Variants in RBFOX1 observed in about 807,000 individuals in gnomAD.
RBFOX1 encodes RNA binding protein fox-1 homolog 1.
Under a neutral mutation model 57.7 loss-of-function variants are expected in RBFOX1, and 8 were observed. The ratio of observed to expected loss-of-function variants is 0.14; its 90% CI spans 0.08 to 0.25. RBFOX1 has a LOEUF of 0.25. Among genes scored for constraint, RBFOX1 ranks in the 10% least tolerant of loss-of-function variants. RBFOX1 has a pLI of 1.00. For synonymous variants in RBFOX1, 326 were observed against 222.4 expected, an observed-to-expected ratio of 1.47 and a Z score of -4.15; for missense variants, 611 against 548.5, an observed-to-expected ratio of 1.11 and a Z score of -1.14.
intron 2 of RBFOX1, among the ~76,000 whole-genome samples, chr16:6,347,979 A>G (rs1472527653): frequency 6.6e-6 from 1 of 152,220 alleles, no homozygotes; most frequent in Non-Finnish European, 1.5e-5. Flanking sequence ...AGAAAGCAGG[A>G]AAACAGGCCT....
chr16:6,998,083 TATATGTACATTATATTTAGTGTACA>T (rs1157497927), intron 3 of RBFOX1, among the ~76,000 whole-genome samples: 1 of 152,122 alleles, frequency 6.6e-6, no homozygotes, highest in African/African-American at 2.4e-5. Flanking sequence ...TAGATATAAA[TATATGTACATTATATTTAGTGTACA>T]ATAGCATATG....
intron 2 of RBFOX1, among the ~76,000 whole-genome samples, chr16:6,375,665 T>C (rs911099150): frequency 2.6e-4 from 39 of 152,110 alleles, no homozygotes; most frequent in African/African-American, 9.2e-4. Context: ...CTCTTCAGCA[T>C]CCAGATGGGA....
rs1168067500 is a variant in RBFOX1, at chr16:5,909,089, C to CTTTTT, written c.351+41754_351+41755insTTTTT. ...TATCGGCTCCAACAGACTAAGCCCC[C>CTTTTT]CTTTTTTTTTTTTTTTTTTTTGAGA... On this transcript the variant is annotated intron_variant, in intron 4 of 19. Transcript: ENST00000641259. Among the ~76,000 whole-genome samples the CTTTTT allele has an allele frequency of 3.7e-4, 29 of 79,440 alleles. 1 individual carries two copies. The highest frequency in any genetic ancestry group is 7.3e-4 in the African/African-American group (20 of 27,500). The allele number at this position is 79,440 out of a possible 152,430, so 52.1% of individuals were successfully genotyped here.
At chr16:6,389,390 A>G (rs943223044) in intron 2 of RBFOX1, among the ~76,000 whole-genome samples, 2 of 152,218 alleles carry the variant, frequency 1.3e-5, no homozygotes, top group African/African-American at 4.8e-5. Context: ...ACACTCTTCG[A>G]TCATGAAACT....
chr16:7,395,255 C>G (rs985520276), intron 4 of RBFOX1, among the ~76,000 whole-genome samples: 1 of 151,732 alleles, frequency 6.6e-6, no homozygotes, highest in African/African-American at 2.4e-5. Context: ...GACAGAATTG[C>G]TCTTTTTACT....
chr16:5,935,618 A>C (rs899531845), intron 4 of RBFOX1, among the ~76,000 whole-genome samples: 1 of 152,154 alleles, frequency 6.6e-6, no homozygotes, highest in Admixed American at 6.5e-5. Context: ...GCATACTTAC[A>C]CAGGACTTGT....
chr16:5,997,828 G>A (rs548525925), intron 4 of RBFOX1, among the ~76,000 whole-genome samples: 1 of 152,030 alleles, frequency 6.6e-6, no homozygotes, highest in South Asian at 2.1e-4. Flanking sequence ...GTAGTTTAAT[G>A]CCTGTACATT....
At chr16:6,749,491 T>C (rs1017235386) in intron 3 of RBFOX1, among the ~76,000 whole-genome samples, 1 of 152,100 alleles carries the variant, frequency 6.6e-6, no homozygotes, top group Non-Finnish European at 1.5e-5. Flanking sequence ...TTCCCCACTT[T>C]CCAGATAAGG....
chr16:6,500,615 G>T (rs1412980369), intron 2 of RBFOX1, among the ~76,000 whole-genome samples: 2 of 152,208 alleles, frequency 1.3e-5, no homozygotes, highest in African/African-American at 4.8e-5. Context: ...AAGAGCCAAG[G>T]TGAAGAGGCA....
At chr16:5,308,552 C>A (rs578233311) in intron 1 of RBFOX1, among the ~76,000 whole-genome samples, 1 of 152,020 alleles carries the variant, frequency 6.6e-6, no homozygotes, top group African/African-American at 2.4e-5. Context: ...CATCTCAAAC[C>A]CATGTCTCCC....
intron 2 of RBFOX1, among the ~76,000 whole-genome samples, chr16:6,594,406 A>G (rs1406489030): frequency 6.6e-6 from 1 of 152,170 alleles, no homozygotes; most frequent in South Asian, 2.1e-4. Context: ...CTGACTTTCA[A>G]TTTTAGGTTG....
At chr16:6,805,075 T>C (rs1342119815) in intron 3 of RBFOX1, among the ~76,000 whole-genome samples, 1 of 152,104 alleles carries the variant, frequency 6.6e-6, no homozygotes, top group Non-Finnish European at 1.5e-5. Flanking sequence ...TATTCTACCA[T>C]AAAGACCCAT....
intron 2 of RBFOX1, among the ~76,000 whole-genome samples, chr16:6,646,137 G>T (rs1348644650): frequency 6.6e-6 from 1 of 152,112 alleles, no homozygotes; most frequent in African/African-American, 2.4e-5. Flanking sequence ...CGAAGTGGTC[G>T]AGTGGGGCTG....
At chr16:5,697,741 C>G (rs934597941) in intron 3 of RBFOX1, among the ~76,000 whole-genome samples, 1 of 151,896 alleles carries the variant, frequency 6.6e-6, no homozygotes, top group Non-Finnish European at 1.5e-5. Flanking sequence ...TGCATATTGG[C>G]CAGGCTGGTC....
At chr16:7,067,506 C>G (rs1163776708) in intron 4 of RBFOX1, among the ~76,000 whole-genome samples, 2 of 150,734 alleles carry the variant, frequency 1.3e-5, no homozygotes, top group East Asian at 2.0e-4. Context: ...AGTTGTAGAA[C>G]TGAGGTCCCT....
At chr16:6,892,016 T>A (rs2065554430) in intron 3 of RBFOX1, among the ~76,000 whole-genome samples, 1 of 152,206 alleles carries the variant, frequency 6.6e-6, no homozygotes, top group East Asian at 1.9e-4. Flanking sequence ...GAATCTTCTG[T>A]GTTGCCTACT....
chr16:6,518,940 C>G (rs1373843701), intron 2 of RBFOX1, among the ~76,000 whole-genome samples: 2 of 152,018 alleles, frequency 1.3e-5, no homozygotes, highest in African/African-American at 4.8e-5. Flanking sequence ...CCACACACTT[C>G]TTTTCTTTCT....
chr16:6,808,160 A>ATGTGTGTGTGTGTGTGTGTG (rs373756020), intron 3 of RBFOX1, among the ~76,000 whole-genome samples: 1,573 of 139,868 alleles, frequency 0.011, 46 homozygotes, highest in African/African-American at 0.041. Context: ...TACCTTATAT[A>ATGTGTGTGTGTGTGTGTGTG]TGTGTGTGTG....
intron 3 of RBFOX1, among the ~76,000 whole-genome samples, chr16:5,760,786 AAGAAT>A (rs1567505202): frequency 6.6e-6 from 1 of 152,220 alleles, no homozygotes; most frequent in Admixed American, 6.5e-5. Context: ...ACCAACCAAA[AAGAAT>A]AGGTAAATCC....
Sources: gnomAD v4.1 joint callset for allele counts (sites outside exome capture counted in the v4.1 genomes callset) on GRCh38, gnomAD v4.1.1 for gene constraint, MANE v1.5 for transcripts, NCBI Gene and HGNC (gene_info 2026-07-23, HGNC 2026-07-21) for gene names.